The following ZFYVE28 variants were observed in gnomAD, a reference collection of about 807,000 sequenced individuals.
The protein encoded by ZFYVE28 is zinc finger FYVE-type containing 28, also known as lateral signaling target protein 2 homolog.
A neutral mutation model predicts 82.1 loss-of-function variants in ZFYVE28; 40 were observed. The ratio of observed to expected loss-of-function variants is 0.49; its 90% CI spans 0.38 to 0.63. The LOEUF (loss-of-function observed/expected upper bound fraction) is 0.63. Ranked by LOEUF, ZFYVE28 falls within the 30% of genes least tolerant of loss-of-function variation. ZFYVE28 has a pLI of 0.00. For synonymous variants in ZFYVE28, 612 were observed against 546.1 expected (o/e 1.12, Z -1.68); for missense variants, 1,321 against 1,242.1 (o/e 1.06, Z -0.96).
rs116097333 is a variant in ZFYVE28 at position 2,394,788 on chromosome 4, G to A, written c.39+23497C>T. ...CATTACACTGTCGGCGGTCAGAGGC[G>A]TCCTCGTCCTTGCAGCAACCCTGGT... On this transcript the variant is annotated intron_variant, in intron 1 of 12. Coordinates refer to ENST00000290974, the MANE Select transcript of ZFYVE28 (RefSeq NM_020972.3). The surrounding 1 kb of genome is among the most constrained non-coding windows in gnomAD (Gnocchi z 4.0). Among the ~76,000 whole-genome samples, 90 of 152,340 alleles carry A rather than the reference G, an allele frequency of 5.9e-4. No individual in the cohort carries two copies. Among genetic ancestry groups the A allele is most frequent in the African/African-American group, 2.0e-3 (82 of 41,578 alleles).
intron 1 of ZFYVE28, among the ~76,000 whole-genome samples, chr4:2,402,535 G>A (rs1008209): frequency 0.43 from 65,950 of 152,066 alleles, 14,834 homozygotes; most frequent in African/African-American, 0.56. Context: ...GGAAGACAGC[G>A]CCAGCATCAC....
intron 4 of ZFYVE28, 68 bp from the exon 5 acceptor site, chr4:2,337,564 G>A (rs970459499): frequency 3.1e-5 from 40 of 1,301,780 alleles, no homozygotes; most frequent in Admixed American, 4.5e-5. Flanking sequence ...AACAGAGTGG[G>A]GGGCATCTTC....
chr4:2,415,648 A>G (rs1732964873), intron 1 of ZFYVE28, among the ~76,000 whole-genome samples: 1 of 152,190 alleles, frequency 6.6e-6, no homozygotes, highest in South Asian at 2.1e-4. Flanking sequence ...AATGTTTAAC[A>G]CTTCAACTCT....
chr4:2,406,044 T>G (rs1168999103), intron 1 of ZFYVE28, among the ~76,000 whole-genome samples: 2 of 51,562 alleles, frequency 3.9e-5, no homozygotes, highest in African/African-American at 2.8e-4. Context: ...ATGGATTCTG[T>G]CTCAAAAAAA....
intron 2 of ZFYVE28, among the ~76,000 whole-genome samples, chr4:2,353,443 T>TG (rs1560265496): frequency 6.6e-6 from 1 of 152,262 alleles, no homozygotes; most frequent in East Asian, 1.9e-4. Context: ...GCATGCCGTT[T>TG]GCCGTTGTGT....
In ZFYVE28 at chr4:2,416,656, C is replaced by G. The variant is rs1408408925; in HGVS notation, c.39+1629G>C. Among the ~76,000 whole-genome samples, 1 of 152,168 alleles carries G rather than the reference C, an allele frequency of 6.6e-6. No homozygotes were observed. Among genetic ancestry groups the G allele is most frequent in the Non-Finnish European group, 1.5e-5 (1 of 68,038 alleles). On this transcript the variant is annotated intron_variant, in intron 1 of 12. Transcript: ENST00000290974. The surrounding 1 kb of genome is among the most constrained non-coding windows in gnomAD (Gnocchi z 4.6). The stretch of plus-strand genomic sequence containing the variant: ...AGGACCGAGAGGGGCTCGAAGGCGC[C>G]GCAGGAGGAGAGGCTGGGCGCAGAC...
chr4:2,293,099 TAAAA>T (rs10711535), intron 8 of ZFYVE28, among the ~76,000 whole-genome samples: 1 of 146,510 alleles, frequency 6.8e-6, no homozygotes, highest in African/African-American at 2.5e-5. Flanking sequence ...TGTTCTTGAT[TAAAA>T]AAAAAAAAAA....
chr4:2,308,685 AAG>A (rs1440263055), intron 7 of ZFYVE28, among the ~76,000 whole-genome samples: 8 of 143,250 alleles, frequency 5.6e-5, no homozygotes, highest in Non-Finnish European at 9.0e-5. Context: ...AAGAGAAAGA[AAG>A]AAAAGAAAAG....
intron 1 of ZFYVE28, chr4:2,406,703 CTCTG>C (rs1164833827): frequency 2.0e-5 from 3 of 152,268 alleles, no homozygotes; most frequent in African/African-American, 7.2e-5. Context: ...CACTCTCAGT[CTCTG>C]TCTGGGAGGT....
At chr4:2,294,201 A>C (rs1485426006) in intron 8 of ZFYVE28, among the ~76,000 whole-genome samples, 1 of 152,150 alleles carries the variant, frequency 6.6e-6, no homozygotes, top group African/African-American at 2.4e-5. Context: ...ACTAAGGCTT[A>C]TTATAAAGCT....
intron 2 of ZFYVE28, among the ~76,000 whole-genome samples, chr4:2,346,421 A>G (rs1337589696): frequency 6.6e-6 from 1 of 152,038 alleles, no homozygotes; most frequent in Non-Finnish European, 1.5e-5. Flanking sequence ...ATAGAGATCT[A>G]TACAAGGGAA....
At position 2,273,292 on chromosome 4, in the gene ZFYVE28, G is replaced by T; in HGVS notation, c.2207-3C>A. On this transcript the variant is annotated splice_polypyrimidine_tract_variant and splice_region_variant and intron_variant, in intron 9 of 12. Transcript: ENST00000290974. ...CGTCTGCAGCTGGTCAGCCACACCT[G>T]AGGAAGGAAGGCCACAGTAACCACG... is the stretch of plus-strand genomic sequence containing the variant. 6.2e-7 allele frequency: 1 copy of T among 1,609,666 alleles called. No individual in the cohort carries two copies. Among genetic ancestry groups the T allele is most frequent in the African/African-American group, 1.3e-5 (1 of 75,020 alleles).
chr4:2,385,021 T>G lies in ZFYVE28; in HGVS notation c.40-30948A>C, dbSNP rs143331303. ...AGTGCAGCAAAGTGATAAACAGAGT[T>G]TGTAAAAGGCCTCACCTTTGAAGCC... On this transcript the variant is annotated intron_variant, in intron 1 of 12. Coordinates refer to ENST00000290974, the MANE Select transcript of ZFYVE28 (RefSeq NM_020972.3). Among the ~76,000 whole-genome samples, 13 of 152,206 alleles carry G rather than the reference T, an allele frequency of 8.5e-5. No homozygotes were observed. The East Asian group carries it at 2.5e-3, about 29-fold the overall frequency.
In ZFYVE28 at chr4:2,337,027, CATGAGGAG is replaced by C. The variant is rs1195003981; in HGVS notation, c.611+372_611+379del. On this transcript the variant is annotated intron_variant, in intron 5 of 12. Transcript: ENST00000290974. ...GAAGTGAGGAGGTGAGGAGTGAGGA[CATGAGGAG>C]TGAGTAGGTGAGGAGTGAGGGGGTG... Among the ~76,000 whole-genome samples, 43 of 39,180 alleles carry C rather than the reference CATGAGGAG, an allele frequency of 1.1e-3. 4 individuals carry two copies. The highest frequency in any genetic ancestry group is 1.7e-3 in the East Asian group (2 of 1,192). The allele number at this position is 39,180 out of a possible 152,430, so 25.7% of individuals were successfully genotyped here. A position where few individuals can be genotyped will look rare whatever the true frequency, so the allele number is the denominator to read the frequency against.
chr4:2,371,860 A>G (rs1727590301), intron 1 of ZFYVE28, among the ~76,000 whole-genome samples: 1 of 141,642 alleles, frequency 7.1e-6, no homozygotes, highest in Non-Finnish European at 1.6e-5. Context: ...CCCCCCACCC[A>G]GCGTGAGAAG....
intron 1 of ZFYVE28, among the ~76,000 whole-genome samples, chr4:2,385,620 G>A (rs1032760927): frequency 4.6e-5 from 7 of 152,348 alleles, no homozygotes; most frequent in African/African-American, 1.4e-4. Flanking sequence ...CCCACTGCCT[G>A]CATCTGAGCC....
chr4:2,384,698 AAC>A (rs1729068973), intron 1 of ZFYVE28, among the ~76,000 whole-genome samples: 1 of 152,168 alleles, frequency 6.6e-6, no homozygotes, highest in South Asian at 2.1e-4. Context: ...GGAGCATGGA[AAC>A]ACACAGCCAA....
chr4:2,355,278 T>A (rs1725141404), intron 1 of ZFYVE28, among the ~76,000 whole-genome samples: 2 of 83,648 alleles, frequency 2.4e-5, no homozygotes, highest in East Asian at 3.4e-4. Context: ...ATATAATGAT[T>A]CTTCTTTTTT....
intron 1 of ZFYVE28, among the ~76,000 whole-genome samples, chr4:2,413,080 G>C (rs1220135985): frequency 1.3e-5 from 2 of 152,210 alleles, no homozygotes; most frequent in Non-Finnish European, 2.9e-5. Flanking sequence ...GGCGCAGGGA[G>C]TGATGCTCGC....
Sources: gnomAD v4.1 joint callset for allele counts (sites outside exome capture counted in the v4.1 genomes callset) on GRCh38, gnomAD v4.1.1 for gene constraint, Gnocchi (gnomAD v3.1) non-coding constraint, MANE v1.5 for transcripts, NCBI Gene and HGNC (gene_info 2026-07-23, HGNC 2026-07-21) for gene names.